The following IFT81 variants were observed in gnomAD, a reference collection of about 807,000 sequenced individuals.
The protein encoded by IFT81 is intraflagellar transport 81.
IFT81 carries 72 observed loss-of-function variants against 102.6 expected under a neutral mutation model. The ratio of observed to expected loss-of-function variants is 0.70; its 90% confidence interval spans 0.58 to 0.85. The LOEUF is 0.85. Among genes scored for constraint, IFT81 ranks in the 40% least tolerant of loss-of-function variants. IFT81 has a pLI of 0.00. For synonymous variants in IFT81, 237 were observed against 242.7 expected (o/e 0.98, Z 0.22); for missense variants, 723 against 787.3 (o/e 0.92, Z 0.98).
chr12:110,170,548 A>C (rs1896682507), intron 11 of IFT81, among the ~76,000 whole-genome samples: 1 of 152,222 alleles, frequency 6.6e-6, no homozygotes, highest in East Asian at 1.9e-4. Flanking sequence ...CATAATTTGA[A>C]AGAGCAAACA....
intron 13 of IFT81, among the ~76,000 whole-genome samples, chr12:110,191,271 A>G (rs1897786174): frequency 1.3e-5 from 2 of 151,918 alleles, no homozygotes; most frequent in Non-Finnish European, 2.9e-5. Context: ...CTGGGGTTCA[A>G]GTGATTCTCA....
rs1373070379 is a variant in IFT81 at position 110,179,776 on chromosome 12, A to ACG, written c.1189-645_1189-644insGC. ...TATATATATATATATATATATATAC[A>ACG]CACACACACACACACACACACACAC... is the stretch of plus-strand genomic sequence containing the variant. On this transcript the variant is annotated intron_variant, in intron 11 of 18. Transcript: ENST00000242591. Among the ~76,000 whole-genome samples, 8 of 114,282 alleles carry ACG rather than the reference A, an allele frequency of 7.0e-5. 1 individual carries two copies. Among genetic ancestry groups the ACG allele is most frequent in the Non-Finnish European group, 1.1e-4 (6 of 55,644 alleles). 75.0% of individuals were successfully genotyped at this position (114,282 alleles called of 152,430 possible).
Position 110,192,656 on chromosome 12 carries a change from G to T in IFT81, c.1507G>T (p.Ala503Ser). 6.3e-7 allele frequency: 1 copy of T among 1,591,202 alleles called. No individual in the cohort carries two copies. Among genetic ancestry groups the T allele is most frequent in the South Asian group, 1.2e-5 (1 of 86,314 alleles). Residue 503 changes from alanine (A) to serine (S), a missense_variant, in exon 14 of 19, where the codon GCT (alanine) becomes TCT (serine). Ala to Ser is a moderately conservative substitution (Grantham distance 99). Transcript: ENST00000242591. ...TTCATTGGTATCTGAAAAGAAGTCA[G>T]CTCTTGCCTCAGTTATAAAAGAGCT... ...LYSLVSEKKS[A>S]LASVIKELRQ...
intron 12 of IFT81, among the ~76,000 whole-genome samples, chr12:110,186,777 T>G (rs1464787956): frequency 7.9e-5 from 12 of 152,124 alleles, no homozygotes; most frequent in Non-Finnish European, 4.4e-5. Context: ...ACGATCCACC[T>G]GCCTTGCCTC....
chr12:110,197,468 G>T (rs1394808865), intron 14 of IFT81, among the ~76,000 whole-genome samples: 2 of 137,100 alleles, frequency 1.5e-5, no homozygotes, highest in Non-Finnish European at 1.6e-5. Context: ...ACCATCCATT[G>T]TACCAATCCT....
intron 11 of IFT81, among the ~76,000 whole-genome samples, chr12:110,179,659 T>C (rs1214691560): frequency 6.8e-6 from 1 of 146,028 alleles, no homozygotes; most frequent in Non-Finnish European, 1.5e-5. Context: ...AGGTTAAGGC[T>C]GCAATGAACT....
At chr12:110,166,026 C>T (rs1173133854) in intron 11 of IFT81, among the ~76,000 whole-genome samples, 2 of 152,096 alleles carry the variant, frequency 1.3e-5, no homozygotes, top group Non-Finnish European at 2.9e-5. Context: ...CTGGTTTTGC[C>T]GTTTACCAGC....
chr12:110,199,273 A>G (rs1480283153), intron 14 of IFT81, among the ~76,000 whole-genome samples: 1 of 151,836 alleles, frequency 6.6e-6, no homozygotes, highest in Non-Finnish European at 1.5e-5. Flanking sequence ...TTTCCCTTAC[A>G]TGTTTTATAC....
chr12:110,209,385 G>A (rs1869107804), intron 18 of IFT81, among the ~76,000 whole-genome samples, 169 bp downstream of exon 18: 2 of 152,124 alleles, frequency 1.3e-5, no homozygotes. Context: ...TAGTTTTACA[G>A]AAATAAAGTC....
rs568475087 is a variant in IFT81 at position 110,157,241 on chromosome 12, C to T, written c.1042-5678C>T. Among the ~76,000 whole-genome samples the T allele has an allele frequency of 1.2e-4, 18 of 151,898 alleles. 1 individual carries two copies. The highest frequency in any genetic ancestry group is 3.9e-4 in the African/African-American group (16 of 41,418). On this transcript the variant is annotated intron_variant, in intron 10 of 18. Coordinates refer to ENST00000242591, the MANE Select transcript of IFT81 (RefSeq NM_014055.4). ...GCGTGTGCCTGTAGTTCCAGCTACT[C>T]GGGAGGCTGAGGCAGGAGAATTGCT...
chr12:110,203,713 C>G, intron 14 of IFT81, 151 bp from the exon 15 acceptor site: 1 of 653,666 alleles, frequency 1.5e-6, no homozygotes, highest in Non-Finnish European at 2.8e-6. Flanking sequence ...TATCATAATT[C>G]TCAAATGTCT....
intron 4 of IFT81, among the ~76,000 whole-genome samples, chr12:110,129,815 TC>T (rs1894056912): frequency 6.6e-6 from 1 of 152,080 alleles, no homozygotes; most frequent in South Asian, 2.1e-4. Flanking sequence ...GAAACTAGAC[TC>T]AGATTTAAAA....
At chr12:110,162,096 T>G (rs1896165050) in intron 10 of IFT81, among the ~76,000 whole-genome samples, 1 of 152,194 alleles carries the variant, frequency 6.6e-6, no homozygotes, top group South Asian at 2.1e-4. Context: ...GCATTTTATT[T>G]ATTAGAATGG....
chr12:110,183,597 C>G (rs1288795338), intron 12 of IFT81, among the ~76,000 whole-genome samples: 1 of 152,224 alleles, frequency 6.6e-6, no homozygotes, highest in African/African-American at 2.4e-5. Flanking sequence ...ATCATCCTTT[C>G]CACTTGGTTG....
intron 9 of IFT81, among the ~76,000 whole-genome samples, chr12:110,146,422 C>T (rs1895228014): frequency 6.6e-6 from 1 of 152,164 alleles, no homozygotes; most frequent in African/African-American, 2.4e-5. Context: ...TGCTTTATCA[C>T]TTTCAGTGAC....
intron 11 of IFT81, among the ~76,000 whole-genome samples, chr12:110,169,372 C>G (rs975986616): frequency 2.0e-5 from 3 of 152,220 alleles, no homozygotes; most frequent in South Asian, 4.1e-4. Context: ...TAAATCATAG[C>G]TAAGAGTATG....
chr12:110,197,115 T>C (rs1233830077), intron 14 of IFT81, among the ~76,000 whole-genome samples: 1 of 152,118 alleles, frequency 6.6e-6, no homozygotes, highest in Non-Finnish European at 1.5e-5. Flanking sequence ...GAAGGATAGC[T>C]GGAGCCCAGG....
intron 9 of IFT81, among the ~76,000 whole-genome samples, chr12:110,145,376 T>A (rs1283227125): frequency 6.6e-6 from 1 of 151,738 alleles, no homozygotes; most frequent in Non-Finnish European, 1.5e-5. Context: ...AATTCTTTAG[T>A]GTGCTTACTA....
Position 110,129,253 on chromosome 12 carries a change from C to A in IFT81, c.429+123C>A, listed in dbSNP as rs1593273641. ...TTCCAAGTGGCACAAGAAGATAAAA[C>A]TGTATCAGCTAATGTTCAACTATGG... On this transcript the variant is annotated intron_variant, in intron 4 of 18. Coordinates refer to ENST00000242591, the MANE Select transcript of IFT81 (RefSeq NM_014055.4). The A allele has an allele frequency of 4.5e-6, 3 of 666,958 alleles. No individual in the cohort carries two copies. In the East Asian group the frequency reaches 9.6e-5, roughly 21 times the overall value. The allele number at this position is 666,958 out of a possible 1,614,324, so 41.3% of individuals were successfully genotyped here.
Sources: allele counts gnomAD v4.1 joint callset (sites outside exome capture counted in the v4.1 genomes callset), GRCh38; gene constraint gnomAD v4.1.1; transcripts MANE v1.5; gene names NCBI Gene and HGNC (gene_info 2026-07-23, HGNC 2026-07-21).